Variants in DHX9 observed in about 807,000 individuals in gnomAD.
DHX9 encodes ATP-dependent RNA helicase A.
DHX9 carries 27 observed loss-of-function variants against 148.7 expected under a neutral mutation model. That is an observed-to-expected ratio of 0.18 (90% confidence interval 0.13 to 0.25). The LOEUF (loss-of-function observed/expected upper bound fraction) is 0.25. DHX9 is among the 10% of genes least tolerant of loss of function. The pLI is 1.00. For synonymous variants in DHX9, 529 were observed against 516.6 expected (o/e 1.02, Z -0.33); for missense variants, 796 against 1,559.6 (o/e 0.51, Z 8.25).
intron 6 of DHX9, chr1:182,855,812 A>T (rs1240906321): frequency 1.1e-6 from 1 of 881,234 alleles, no homozygotes; most frequent in African/African-American, 1.8e-5. Context: ...GTTAGAATGT[A>T]TCTGAGCAGT....
Position 182,843,432 on chromosome 1 carries a change from G to A in DHX9, c.250G>A (p.Gly84Arg), listed in dbSNP as rs1667966644. 6.3e-7 allele frequency: 1 copy of A among 1,597,764 alleles called. No homozygotes were observed. Among genetic ancestry groups the A allele is most frequent in the Admixed American group, 1.8e-5 (1 of 56,528 alleles). Residue 84 changes from glycine (G) to arginine (R), a missense_variant and splice_region_variant, in exon 3 of 28, where the codon GGG becomes AGG. Gly to Arg is a moderately radical substitution (Grantham distance 125). This residue lies in a region of DHX9 where 89 missense variants were observed against 77.5 expected (regional missense o/e 1.15). Coordinates refer to ENST00000367549, the MANE Select transcript of DHX9 (RefSeq NM_001357.5). ...AAAGAGTGAAGAAGTTCCAGCTTTT[G>A]GGGTAAGTACCTATGGCGAAGCACT... ...EIKSEEVPAFGVASPPPLTDT... is the reference protein window; with the variant it reads ...EIKSEEVPAFRVASPPPLTDT...
At position 182,847,129 on chromosome 1, in the gene DHX9, ATTTCT is replaced by A. The variant is rs59397127; in HGVS notation, c.252+3699_252+3703del. ...GTGTATGTTTGTAATATAAATATGG[ATTTCT>A]TTTATGTCATGAAGCTTAATTCTAA... On this transcript the variant is annotated intron_variant, in intron 3 of 27. Coordinates refer to ENST00000367549, the MANE Select transcript of DHX9 (RefSeq NM_001357.5). Among the ~76,000 whole-genome samples the A allele has an allele frequency of 5.2e-3, 796 of 152,050 alleles. 7 individuals are homozygous for A. Among genetic ancestry groups the A allele is most frequent in the African/African-American group, 0.018 (741 of 41,464 alleles).
At chr1:182,853,942 T>C in intron 5 of DHX9, 88 bp from the exon 6 acceptor site, 3 of 1,187,816 alleles carry the variant, frequency 2.5e-6, no homozygotes, top group Non-Finnish European at 3.6e-6. Context: ...TTATAAAGGA[T>C]AGTACAAAGA....
intron 14 of DHX9, among the ~76,000 whole-genome samples, chr1:182,869,712 C>T (rs116327815): frequency 2.6e-5 from 4 of 152,286 alleles, no homozygotes; most frequent in East Asian, 3.9e-4. Flanking sequence ...TGAGTTCAGG[C>T]GATTCTCCTA....
At chr1:182,878,255 C>T in intron 20 of DHX9, 82 bp downstream of exon 20, 1 of 1,453,268 alleles carries the variant, frequency 6.9e-7, no homozygotes, top group Middle Eastern at 1.8e-4. Flanking sequence ...TGTAAACCTG[C>T]CAATATAAGC....
chr1:182,848,057 A>G (rs543588247), intron 3 of DHX9, among the ~76,000 whole-genome samples: 1 of 152,244 alleles, frequency 6.6e-6, no homozygotes, highest in African/African-American at 2.4e-5. Flanking sequence ...TTCCAGCTAC[A>G]GTAGCTGTAC....
rs922371848 is a variant in DHX9 at position 182,887,545 on chromosome 1, C to T, written c.*111C>T. 7.3e-6 allele frequency: 7 copies of T among 958,774 alleles called. No individual in the cohort carries two copies. Among genetic ancestry groups the T allele is most frequent in the Non-Finnish European group, 1.1e-5 (7 of 646,724 alleles). 59.4% of individuals were successfully genotyped at this position (958,774 alleles called of 1,614,324 possible). ...TGCCACCAAAAAGTAAATGCATTTT[C>T]ACCCATTCTGTGGTTCATTGTAGTT... On this transcript the variant is annotated 3_prime_UTR_variant, in exon 28 of 28. Transcript: ENST00000367549.
chr1:182,863,642 ATAAG>A (rs1648103799), intron 12 of DHX9, among the ~76,000 whole-genome samples: 1 of 152,170 alleles, frequency 6.6e-6, no homozygotes, highest in Non-Finnish European at 1.5e-5. Context: ...TATTTAAGGG[ATAAG>A]TAGAGCATCT....
At chr1:182,872,609 G>C in intron 15 of DHX9, 116 bp downstream of exon 15, 3 of 1,086,958 alleles carry the variant, frequency 2.8e-6, no homozygotes, top group Non-Finnish European at 4.0e-6. Context: ...ACAAATTATA[G>C]TATCAAATGT....
intron 4 of DHX9, 29 bp downstream of exon 4, chr1:182,852,373 G>A (rs1288433196): frequency 6.7e-7 from 1 of 1,481,752 alleles, no homozygotes; most frequent in Admixed American, 1.8e-5. Context: ...TGCACGTGGT[G>A]GAGAATAAGA....
At chr1:182,840,919 C>G (rs1004627027) in intron 1 of DHX9, among the ~76,000 whole-genome samples, 49 of 152,190 alleles carry the variant, frequency 3.2e-4, no homozygotes, top group African/African-American at 1.1e-3. Flanking sequence ...ATTTAAAATT[C>G]TGTTTTGACT....
chr1:182,843,510 A>G lies in DHX9; in HGVS notation c.252+76A>G, dbSNP rs1667969135. 3.0e-6 allele frequency: 4 copies of G among 1,312,620 alleles called. No homozygotes were observed. The African/African-American group carries it at 4.6e-5, about 15-fold the overall frequency. 81.3% of individuals were successfully genotyped at this position (1,312,620 alleles called of 1,614,324 possible). A position where few individuals can be genotyped will look rare whatever the true frequency, so the allele number is the denominator to read the frequency against. ...ACTCAATATGCGTAAGAGACTCAAG[A>G]TAGTAATTTTTCACTGTTTTCAGAT... On this transcript the variant is annotated intron_variant, in intron 3 of 27. Transcript: ENST00000367549.
Position 182,858,193 on chromosome 1 carries a change from G to A in DHX9, c.763G>A (p.Val255Met). Residue 255 changes from valine (V) to methionine (M), a missense_variant, in exon 8 of 28, where the codon GTG (valine) becomes ATG (methionine). Coordinates refer to ENST00000367549, the MANE Select transcript of DHX9 (RefSeq NM_001357.5). ...SLVRQLYHLG[V>M]VEAYSGLTKK... Reference sequence around the variant, plus strand: ...TGTCAGACAACTGTACCATCTTGGAGTGGTTGAAGCTTACTCCGGACTTAC... The same window carrying A: ...TGTCAGACAACTGTACCATCTTGGAATGGTTGAAGCTTACTCCGGACTTAC... 1 of 1,614,176 alleles carries A rather than the reference G, an allele frequency of 6.2e-7. No homozygotes were observed. The highest frequency in any genetic ancestry group is 8.5e-7 in the Non-Finnish European group (1 of 1,180,024).
At chr1:182,865,083 AAAAG>A (rs985714653) in intron 12 of DHX9, among the ~76,000 whole-genome samples, 10 of 152,134 alleles carry the variant, frequency 6.6e-5, no homozygotes, top group African/African-American at 1.7e-4. Context: ...AGAAAAGAAA[AAAAG>A]AAAAACTATA....
chr1:182,845,503 G>C (rs1369908811), intron 3 of DHX9, among the ~76,000 whole-genome samples: 1 of 151,748 alleles, frequency 6.6e-6, no homozygotes, highest in East Asian at 1.9e-4. Context: ...GACTAAATGT[G>C]GGGTGGAGGT....
intron 1 of DHX9, chr1:182,839,868 G>A (rs563217384): frequency 6.6e-6 from 1 of 152,524 alleles, no homozygotes; most frequent in South Asian, 2.1e-4. Context: ...CCGTCGTGCA[G>A]GCCTTGTGGG....
Position 182,858,652 on chromosome 1 carries a change from G to A in DHX9, c.900+12G>A. ...AGATTTTGCCCCCGGTAAGCATAAA[G>A]CTGTTTAGTTCACATTTACGTAGAA... On this transcript the variant is annotated intron_variant, in intron 9 of 27. Coordinates refer to ENST00000367549, the MANE Select transcript of DHX9 (RefSeq NM_001357.5). 6.2e-7 allele frequency: 1 copy of A among 1,609,654 alleles called. No homozygotes were observed. Among genetic ancestry groups the A allele is most frequent in the Non-Finnish European group, 8.5e-7 (1 of 1,176,788 alleles).
intron 26 of DHX9, among the ~76,000 whole-genome samples, chr1:182,884,003 TA>T (rs1395324912): frequency 1.3e-5 from 2 of 152,196 alleles, no homozygotes; most frequent in African/African-American, 4.8e-5. Flanking sequence ...CTGGGTCTCT[TA>T]AATTCATTAT....
At chr1:182,876,976 A>G (rs1648831549) in intron 19 of DHX9, 73 bp downstream of exon 19, 1 of 1,036,268 alleles carries the variant, frequency 9.7e-7, no homozygotes, top group African/African-American at 1.6e-5. Flanking sequence ...TAACAGAATC[A>G]AAAACACCTT....
Sources: allele counts gnomAD v4.1 joint callset (sites outside exome capture counted in the v4.1 genomes callset), GRCh38; gene constraint gnomAD v4.1.1; regional missense constraint gnomAD v4.1.1; transcripts MANE v1.5; gene names NCBI Gene and HGNC (gene_info 2026-07-23, HGNC 2026-07-21).